Variants in PRDM1 observed in about 807,000 individuals in gnomAD.
PRDM1 encodes the protein PR domain zinc finger protein 1.
Under a neutral mutation model 62.8 loss-of-function variants are expected in PRDM1, and 13 were observed. The ratio of observed to expected loss-of-function variants is 0.21; its 90% CI spans 0.13 to 0.33. PRDM1 has a LOEUF of 0.33. PRDM1 is among the 10% of genes least tolerant of loss of function. The pLI, the probability that PRDM1 is intolerant of heterozygous loss-of-function variation, is 1.00. For synonymous variants in PRDM1, 396 were observed against 417.6 expected, an observed-to-expected ratio of 0.95 and a Z score of 0.63; for missense variants, 895 against 1,058.8, an observed-to-expected ratio of 0.85 and a Z score of 2.15.
chr6:106,089,751 T>C (rs1226795339), intron 2 of PRDM1, among the ~76,000 whole-genome samples: 1 of 152,236 alleles, frequency 6.6e-6, no homozygotes, highest in East Asian at 1.9e-4. Flanking sequence ...TCTCTCAATA[T>C]GTGGCCCTTG....
intron 1 of PRDM1, among the ~76,000 whole-genome samples, chr6:106,042,182 T>G (rs1773006442): frequency 6.6e-6 from 1 of 151,750 alleles, no homozygotes; most frequent in South Asian, 2.1e-4. Flanking sequence ...CTAATTCACA[T>G]AACTGTTCTC....
chr6:106,099,423 G>C lies in PRDM1; in HGVS notation c.535G>C (p.Gly179Arg). 6.2e-7 allele frequency: 1 copy of C among 1,614,174 alleles called. No homozygotes were observed. Among genetic ancestry groups the C allele is most frequent in the Non-Finnish European group, 8.5e-7 (1 of 1,180,034 alleles). Residue 179 changes from glycine (G) to arginine (R), a missense_variant, in exon 4 of 7, where the codon GGG becomes CGG. Gly to Arg is a moderately radical substitution (Grantham distance 125). Coordinates refer to ENST00000369096, the MANE Select transcript of PRDM1 (RefSeq NM_001198.4). ...GCAAAACCTGGCTGCGTGTCAGAAC[G>C]GGATGAACATCTACTTCTACACCAT... ...REQNLAACQN[G>R]MNIYFYTIKP...
intron 1 of PRDM1, among the ~76,000 whole-genome samples, chr6:106,002,883 G>T (rs1261711787): frequency 1.3e-5 from 2 of 152,188 alleles, no homozygotes; most frequent in African/African-American, 4.8e-5. Context: ...TCAACTGTGT[G>T]TGGCCAAGAG....
intron 1 of PRDM1, among the ~76,000 whole-genome samples, chr6:106,077,639 A>G (rs76958224): frequency 6.6e-6 from 1 of 152,272 alleles, no homozygotes; most frequent in Non-Finnish European, 1.5e-5. Context: ...AGTCATATGA[A>G]TGAATGTTTA....
rs141223053 is a variant in PRDM1, at chr6:106,107,235, G to A, written c.2227G>A (p.Glu743Lys). 9.9e-5 allele frequency: 160 copies of A among 1,614,074 alleles called. No individual in the cohort carries two copies. In the African/African-American group the frequency reaches 1.2e-3, roughly 12 times the overall value. The change falls in exon 7 of 7, where the codon GAG becomes AAG. Residue 743 changes from glutamate to lysine, a missense_variant. By Grantham distance (56) the Glu-to-Lys change is moderately conservative (BLOSUM62 1). Around this residue, in one of 4 missense-constraint regions of PRDM1, gnomAD observed 164 missense variants for 179.9 expected, o/e 0.91. Transcript: ENST00000369096. ...FDISDNADRL[E>K]DVEDDISVIS... ...CATCAGTGACAATGCTGACCGGCTC[G>A]AGGACGTGGAGGATGACATCAGTGT...
chr6:106,037,676 T>A (rs575311392), intron 1 of PRDM1, among the ~76,000 whole-genome samples: 26 of 152,286 alleles, frequency 1.7e-4, no homozygotes, highest in African/African-American at 6.3e-4. Flanking sequence ...GTCCTTGTAC[T>A]TTTCAGCTGT....
At chr6:106,063,131 T>G (rs1773373633) in intron 1 of PRDM1, among the ~76,000 whole-genome samples, 1 of 152,176 alleles carries the variant, frequency 6.6e-6, no homozygotes, top group South Asian at 2.1e-4. Context: ...AAGGTCAATG[T>G]AAACTAACTC....
intron 3 of PRDM1, 97 bp from the exon 4 acceptor site, chr6:106,099,203 A>T: frequency 6.2e-7 from 1 of 1,603,806 alleles, no homozygotes; most frequent in Non-Finnish European, 8.5e-7. Flanking sequence ...GTAGGGGATC[A>T]GAAATCACAC....
chr6:106,027,026 A>G (rs1284527287), intron 1 of PRDM1, among the ~76,000 whole-genome samples: 1 of 152,204 alleles, frequency 6.6e-6, no homozygotes, highest in Non-Finnish European at 1.5e-5. Context: ...CTCAGCCCCC[A>G]GTACTCCCAC....
chr6:106,072,949 A>G (rs979196605), intron 1 of PRDM1, among the ~76,000 whole-genome samples: 3 of 152,074 alleles, frequency 2.0e-5, no homozygotes, highest in Non-Finnish European at 4.4e-5. Flanking sequence ...GTTACAAGGG[A>G]GTAGTAGAAG....
rs2114655599 is a variant in PRDM1 at position 106,105,522 on chromosome 6, C to T, written c.1362C>T (p.Gly454=). The T allele has an allele frequency of 1.2e-6, 2 of 1,613,556 alleles. No individual in the cohort carries two copies. Among genetic ancestry groups the T allele is most frequent in the Non-Finnish European group, 1.7e-6 (2 of 1,179,780 alleles). The change falls in exon 5 of 7, where the codon GGC becomes GGT. Residue 454 remains glycine, a synonymous_variant. Coordinates refer to ENST00000369096, the MANE Select transcript of PRDM1 (RefSeq NM_001198.4). ...TCTACAGCAATCTCCTCGGTGGGGG[C>T]AGCCTGCCCCACCCCATGCTCAACC... The part of the protein sequence containing the change: ...CPVYSNLLGG[G]SLPHPMLNPT...
At chr6:106,104,736 G>A in intron 4 of PRDM1, 89 bp from the exon 5 acceptor site, 1 of 1,445,050 alleles carries the variant, frequency 6.9e-7, no homozygotes, top group African/African-American at 1.4e-5. Flanking sequence ...CTGTTACTCA[G>A]GTTTTCTCAA....
chr6:106,001,329 C>T (rs1456298271), intron 1 of PRDM1, among the ~76,000 whole-genome samples: 1 of 152,068 alleles, frequency 6.6e-6, no homozygotes, highest in East Asian at 1.9e-4. Context: ...TTGGTTTAGC[C>T]TTGCGTTGTT....
chr6:106,087,980 CTTTTT>C (rs34001545), intron 1 of PRDM1: 506 of 140,992 alleles, frequency 3.6e-3, no homozygotes, highest in Middle Eastern at 0.012. Context: ...TTGCCACATT[CTTTTT>C]TTTTTTTTTT....
intron 1 of PRDM1, among the ~76,000 whole-genome samples, chr6:106,001,338 T>C (rs1283670085): frequency 6.6e-6 from 1 of 152,222 alleles, no homozygotes; most frequent in African/African-American, 2.4e-5. Flanking sequence ...CCTTGCGTTG[T>C]TTATGGTGTC....
At chr6:106,098,012 G>A (rs181263916) in intron 3 of PRDM1, among the ~76,000 whole-genome samples, 1 of 152,284 alleles carries the variant, frequency 6.6e-6, no homozygotes, top group African/African-American at 2.4e-5. Flanking sequence ...AGTGATTCTG[G>A]TGTTTACCGC....
upstream of PRDM1, among the ~76,000 whole-genome samples, chr6:106,047,012 A>G (rs1455668673): frequency 1.3e-5 from 2 of 152,224 alleles, no homozygotes; most frequent in Non-Finnish European, 2.9e-5. Flanking sequence ...ATAGAAGTTT[A>G]AAAAGCAAGA....
At chr6:106,031,639 A>G (rs1448410097) in intron 1 of PRDM1, among the ~76,000 whole-genome samples, 1 of 152,254 alleles carries the variant, frequency 6.6e-6, no homozygotes, top group Admixed American at 6.5e-5. Flanking sequence ...GGTGGGAAAC[A>G]TGGAATGAAT....
At chr6:106,061,323 A>G (rs1331095978) in intron 1 of PRDM1, among the ~76,000 whole-genome samples, 3 of 109,046 alleles carry the variant, frequency 2.8e-5, no homozygotes, top group South Asian at 3.9e-4. Flanking sequence ...TTCAGCAGTT[A>G]GATGGTTCCA....
Sources: allele counts gnomAD v4.1 joint callset (sites outside exome capture counted in the v4.1 genomes callset), GRCh38; gene constraint gnomAD v4.1.1; regional missense constraint gnomAD v4.1.1; transcripts MANE v1.5; gene names NCBI Gene and HGNC (gene_info 2026-07-23, HGNC 2026-07-21).